Variants in MYH10 observed in about 807,000 individuals in gnomAD.
MYH10 encodes myosin-10.
Under a neutral mutation model 257.8 loss-of-function variants are expected in MYH10, and 55 were observed. The observed-to-expected ratio is 0.21, with a 90% CI of 0.17 to 0.27. The LOEUF (loss-of-function observed/expected upper bound fraction) is 0.27, where lower values mean the gene tolerates loss of function less well. Ranked by LOEUF, MYH10 falls within the 10% of genes least tolerant of loss-of-function variation. The probability of loss-of-function intolerance (pLI) is 1.00; values close to 1 mark genes in which losing one functional copy is unlikely to be tolerated. For missense variants in MYH10, 1,631 were observed against 2,500.6 expected, an observed-to-expected ratio of 0.65 and a Z score of 7.42; for synonymous variants, 854 against 921.7, an observed-to-expected ratio of 0.93 and a Z score of 1.33.
intron 13 of MYH10, among the ~76,000 whole-genome samples, chr17:8,542,913 C>A (rs1443688019): frequency 6.6e-6 from 1 of 152,160 alleles, no homozygotes; most frequent in Non-Finnish European, 1.5e-5. Flanking sequence ...AAATGTTTGA[C>A]CTTTGCAATA....
intron 9 of MYH10, among the ~76,000 whole-genome samples, chr17:8,550,378 C>T (rs552141336): frequency 3.9e-4 from 60 of 152,030 alleles, no homozygotes; most frequent in African/African-American, 1.3e-3. Context: ...TGCCCGGCCC[C>T]GACCCCGTCT....
At chr17:8,534,951 T>G (rs974788948) in intron 16 of MYH10, among the ~76,000 whole-genome samples, 1 of 152,098 alleles carries the variant, frequency 6.6e-6, no homozygotes, top group African/African-American at 2.4e-5. Context: ...TGCAGGCAAT[T>G]TGAGTTTATC....
At chr17:8,625,473 C>A (rs143519229) in intron 1 of MYH10, among the ~76,000 whole-genome samples, 1 of 141,494 alleles carries the variant, frequency 7.1e-6, no homozygotes, top group African/African-American at 3.0e-5. Flanking sequence ...AGGGTAGAGC[C>A]TGAGAACTAT....
chr17:8,623,425 G>C, intron 1 of MYH10, 148 bp from the exon 2 acceptor site: 1 of 630,546 alleles, frequency 1.6e-6, no homozygotes, highest in Non-Finnish European at 2.3e-6. Context: ...CATACTAACC[G>C]AGTTTCCAAG....
At position 8,546,674 on chromosome 17, in the gene MYH10, A is replaced by G. The variant is rs1349083856; in HGVS notation, c.1160-12T>C. On this transcript the variant is annotated splice_polypyrimidine_tract_variant and intron_variant, in intron 11 of 42. Coordinates refer to ENST00000360416, the MANE Select transcript of MYH10 (RefSeq NM_001256012.3). The stretch of plus-strand genomic sequence containing the variant: ...GAGCTTCTGCGCAACTGAAGTGTAA[A>G]AAGTCTCCTAAATCCTACATTTTTT... 6.2e-7 allele frequency: 1 copy of G among 1,600,096 alleles called. No homozygotes were observed. Among genetic ancestry groups the G allele is most frequent in the Non-Finnish European group, 8.6e-7 (1 of 1,167,936 alleles).
intron 42 of MYH10, among the ~76,000 whole-genome samples, 184 bp downstream of exon 42, chr17:8,476,692 G>T (rs552434891): frequency 1.3e-5 from 2 of 152,140 alleles, no homozygotes; most frequent in Non-Finnish European, 2.9e-5. Flanking sequence ...GAATAGGGCC[G>T]CCTCCTCTTT....
chr17:8,518,575 C>A, intron 21 of MYH10, 56 bp downstream of exon 21: 1 of 1,555,864 alleles, frequency 6.4e-7, no homozygotes, highest in Non-Finnish European at 8.8e-7. Context: ...AAATGCAATG[C>A]TTATCTAGCA....
chr17:8,542,363 T>C (rs936180924), intron 13 of MYH10, 83 bp from the exon 14 acceptor site: 4 of 1,288,302 alleles, frequency 3.1e-6, no homozygotes, highest in Non-Finnish European at 4.3e-6. Flanking sequence ...TATAAAAAAA[T>C]TTTTCATTAA....
chr17:8,629,660 C>T (rs1400500109), intron 1 of MYH10, among the ~76,000 whole-genome samples: 1 of 152,156 alleles, frequency 6.6e-6, no homozygotes, highest in African/African-American at 2.4e-5. Context: ...GTGTGACCCC[C>T]AACTGCAGAA....
intron 2 of MYH10, among the ~76,000 whole-genome samples, chr17:8,618,050 C>T (rs189716618): frequency 6.2e-4 from 95 of 152,198 alleles, no homozygotes; most frequent in Middle Eastern, 3.4e-3. Context: ...CTGGCTTAAT[C>T]GAAAACAACT....
chr17:8,493,578 A>G (rs1916104050), intron 32 of MYH10, among the ~76,000 whole-genome samples, 155 bp downstream of exon 32: 1 of 152,200 alleles, frequency 6.6e-6, no homozygotes, highest in African/African-American at 2.4e-5. Context: ...TATAACCAGC[A>G]TGTGGCTGGG....
chr17:8,594,154 A>G (rs2084274643), intron 3 of MYH10, among the ~76,000 whole-genome samples: 1 of 152,230 alleles, frequency 6.6e-6, no homozygotes, highest in African/African-American at 2.4e-5. Context: ...TACAAAAATT[A>G]AACCAAAATA....
chr17:8,604,962 A>G lies in MYH10; in HGVS notation c.366T>C (p.Cys122=). ...GLIYTYSGLF[C]VVINPYKNLP... ...GATTCTTGTAAGGGTTTATAACTAC[A>G]CAGAAGAGTCCAGAATAAGTCTAGA... The change falls in exon 3 of 43, where the codon TGT becomes TGC. Residue 122 remains cysteine, a synonymous_variant. Coordinates refer to ENST00000360416, the MANE Select transcript of MYH10 (RefSeq NM_001256012.3). 2.0e-6 allele frequency: 3 copies of G among 1,532,564 alleles called. No homozygotes were observed. The allele number at this position is 1,532,564 out of a possible 1,614,324, so 94.9% of individuals were successfully genotyped here.
intron 7 of MYH10, among the ~76,000 whole-genome samples, chr17:8,564,325 T>C (rs1024316008): frequency 6.6e-6 from 1 of 152,252 alleles, no homozygotes; most frequent in African/African-American, 2.4e-5. Flanking sequence ...ACTGTAAGCA[T>C]GTAGCTTATA....
intron 17 of MYH10, among the ~76,000 whole-genome samples, chr17:8,530,403 C>T (rs1238712138): frequency 6.6e-6 from 1 of 152,142 alleles, no homozygotes; most frequent in Non-Finnish European, 1.5e-5. Context: ...AATTAAATTG[C>T]TTATGCACTC....
intron 13 of MYH10, among the ~76,000 whole-genome samples, chr17:8,544,127 A>G (rs955391472): frequency 6.6e-6 from 1 of 152,162 alleles, no homozygotes; most frequent in Non-Finnish European, 1.5e-5. Flanking sequence ...TGGAGCTATC[A>G]CAATAATTTG....
chr17:8,535,811 G>T lies in MYH10; in HGVS notation c.1726C>A (p.Pro576Thr). ...TCAGCTTTGTCTTTTAATTGTCGAG[G>T]TTTCTGAAACTTGGAGTGGGAACCT... Reference protein sequence around the residue: ...EQGSHSKFQKPRQLKDKADFC... With the variant: ...EQGSHSKFQKTRQLKDKADFC... The change falls in exon 15 of 43, where the codon CCT (proline) becomes ACT (threonine). Residue 576 changes from proline to threonine, a missense_variant. Physicochemically the swap from Pro to Thr is conservative, Grantham distance 38 (BLOSUM62 -1). This residue lies in a region of MYH10 where 63 missense variants were observed against 167.9 expected (regional missense o/e 0.38). Coordinates refer to ENST00000360416, the MANE Select transcript of MYH10 (RefSeq NM_001256012.3). This position sits in a 1 kb window ranked among gnomAD's most constrained non-coding sequence, Gnocchi z 4.3. 1 of 1,614,142 alleles carries T rather than the reference G, an allele frequency of 6.2e-7. No homozygotes were observed. Among genetic ancestry groups the T allele is most frequent in the Non-Finnish European group, 8.5e-7 (1 of 1,180,032 alleles).
At position 8,509,969 on chromosome 17, in the gene MYH10, C is replaced by G; in HGVS notation, c.2953-20G>C. ...CAGGTCCTTGTGAAGAACACACAGT[C>G]AGTCTCGCCACTTTCTCGAGATTTG... On this transcript the variant is annotated intron_variant, in intron 24 of 42. Transcript: ENST00000360416. 1 of 1,584,124 alleles carries G rather than the reference C, an allele frequency of 6.3e-7. No homozygotes were observed. Among genetic ancestry groups the G allele is most frequent in the East Asian group, 2.3e-5 (1 of 43,680 alleles).
In MYH10 at chr17:8,569,588, G is replaced by T; in HGVS notation, c.756+132C>A. 1.8e-6 allele frequency: 1 copy of T among 561,596 alleles called. No individual in the cohort carries two copies. Among genetic ancestry groups the T allele is most frequent in the Non-Finnish European group, 2.9e-6 (1 of 344,124 alleles). The allele number at this position is 561,596 out of a possible 1,614,324, so 34.8% of individuals were successfully genotyped here. On this transcript the variant is annotated intron_variant, in intron 7 of 42. Coordinates refer to ENST00000360416, the MANE Select transcript of MYH10 (RefSeq NM_001256012.3). The surrounding 1 kb of genome is among the most constrained non-coding windows in gnomAD (Gnocchi z 4.1). ...AAAATTTAAAATTACATGTGAGCTT[G>T]TATTATGTCTACAGAACTACATCTA...
Sources: allele counts gnomAD v4.1 joint callset (sites outside exome capture counted in the v4.1 genomes callset), GRCh38; gene constraint gnomAD v4.1.1; regional missense constraint gnomAD v4.1.1; non-coding constraint Gnocchi (gnomAD v3.1); transcripts MANE v1.5; gene names NCBI Gene and HGNC (gene_info 2026-07-23, HGNC 2026-07-21).